The following NRCAM variants were observed in gnomAD, a reference collection of about 807,000 sequenced individuals.
The protein encoded by NRCAM is NgCAM-related cell adhesion molecule.
In NRCAM, 83 loss-of-function variants were observed where a neutral mutation model predicts 156.5. The ratio of observed to expected loss-of-function variants is 0.53; its 90% CI spans 0.44 to 0.64. The LOEUF is 0.64. Among genes scored for constraint, NRCAM ranks in the 30% least tolerant of loss-of-function variants. NRCAM has a pLI of 0.00. For synonymous variants in NRCAM, 538 were observed against 563.9 expected (o/e 0.95, Z 0.65); for missense variants, 1,417 against 1,597.3 (o/e 0.89, Z 1.92).
intron 3 of NRCAM, among the ~76,000 whole-genome samples, chr7:108,311,673 T>C (rs576067201): frequency 3.9e-5 from 6 of 152,326 alleles, no homozygotes; most frequent in African/African-American, 1.2e-4. Flanking sequence ...GAACTAGTCA[T>C]ATGAAGTCAG....
At chr7:108,421,161 G>A (rs1014346062) in intron 1 of NRCAM, among the ~76,000 whole-genome samples, 3 of 152,142 alleles carry the variant, frequency 2.0e-5, no homozygotes, top group Non-Finnish European at 2.9e-5. Flanking sequence ...AAGACTATAA[G>A]TGTAGATGTA....
At chr7:108,359,491 T>C (rs2154314315) in intron 2 of NRCAM, among the ~76,000 whole-genome samples, 1 of 152,114 alleles carries the variant, frequency 6.6e-6, no homozygotes, top group South Asian at 2.1e-4. Context: ...CATTCCTAAC[T>C]AAAGAAAAGT....
intron 2 of NRCAM, among the ~76,000 whole-genome samples, chr7:108,333,934 G>C (rs1305700153): frequency 6.6e-6 from 1 of 152,116 alleles, no homozygotes; most frequent in African/African-American, 2.4e-5. Context: ...GTTCTTGTTT[G>C]AATGTGTGTG....
At chr7:108,390,705 C>CATTT (rs1164450050) in intron 2 of NRCAM, among the ~76,000 whole-genome samples, 1 of 152,164 alleles carries the variant, frequency 6.6e-6, no homozygotes, top group Non-Finnish European at 1.5e-5. Flanking sequence ...CCCTTGTGGG[C>CATTT]ATTTAGTGCT....
intron 2 of NRCAM, among the ~76,000 whole-genome samples, chr7:108,364,728 CA>C (rs34574826): frequency 2.0e-3 from 267 of 132,196 alleles, no homozygotes; most frequent in Admixed American, 2.0e-3. Flanking sequence ...TACGCTAAGT[CA>C]AAAAAAAAAA....
intron 19 of NRCAM, among the ~76,000 whole-genome samples, chr7:108,190,234 G>A (rs943502530): frequency 1.3e-5 from 2 of 152,176 alleles, no homozygotes; most frequent in African/African-American, 2.4e-5. Context: ...TTATATTTGC[G>A]AAAGAATGCT....
At chr7:108,436,211 CA>C (rs1444812944) in intron 1 of NRCAM, among the ~76,000 whole-genome samples, 1 of 146,956 alleles carries the variant, frequency 6.8e-6, no homozygotes, top group African/African-American at 2.5e-5. Context: ...CCTTCAATTG[CA>C]AAATGGATGG....
At chr7:108,204,518 G>A (rs184838760) in intron 13 of NRCAM, among the ~76,000 whole-genome samples, 137 of 152,324 alleles carry the variant, frequency 9.0e-4, no homozygotes, top group Non-Finnish European at 4.3e-4. Flanking sequence ...ACCAGATGTC[G>A]AGAAAGACCC....
intron 2 of NRCAM, among the ~76,000 whole-genome samples, chr7:108,388,920 C>A (rs985741548): frequency 6.6e-6 from 1 of 152,068 alleles, no homozygotes; most frequent in Non-Finnish European, 1.5e-5. Context: ...TTGTCTATAT[C>A]TCTGTTTTGG....
At position 108,190,468 on chromosome 7, in the gene NRCAM, A is replaced by G. The variant is rs73725376; in HGVS notation, c.1934-722T>C. On this transcript the variant is annotated intron_variant, in intron 19 of 32. Coordinates refer to ENST00000379028, the MANE Select transcript of NRCAM (RefSeq NM_001037132.4). ...CTCTTAGGGGACCAGAGACCATACA[A>G]ATATATGTGCTTTTTTTTCTTATCA... is the stretch of plus-strand genomic sequence containing the variant. 6.3e-3 allele frequency among the ~76,000 whole-genome samples: 967 copies of G among 152,284 alleles called. 17 individuals are homozygous for G. The highest frequency in any genetic ancestry group is 0.022 in the African/African-American group (914 of 41,550).
chr7:108,432,756 G>A (rs1203041704), intron 1 of NRCAM, among the ~76,000 whole-genome samples: 2 of 152,086 alleles, frequency 1.3e-5, no homozygotes, highest in East Asian at 3.9e-4. Context: ...ATAAAAATCA[G>A]CCAAGTGTGG....
intron 8 of NRCAM, among the ~76,000 whole-genome samples, chr7:108,228,937 CA>C (rs2093914544): frequency 1.3e-5 from 2 of 151,330 alleles, no homozygotes; most frequent in South Asian, 4.2e-4. Context: ...TAAGGAGAGC[CA>C]AAATGCATCC....
chr7:108,307,042 C>A (rs2098725811), intron 3 of NRCAM, among the ~76,000 whole-genome samples: 2 of 152,176 alleles, frequency 1.3e-5, no homozygotes, highest in African/African-American at 4.8e-5. Flanking sequence ...CTATGAACAT[C>A]ATAGTTTATA....
chr7:108,293,478 A>C (rs542415881), intron 3 of NRCAM, among the ~76,000 whole-genome samples: 1 of 152,364 alleles, frequency 6.6e-6, no homozygotes, highest in African/African-American at 2.4e-5. Context: ...AAATCTGCTA[A>C]ATTGACAAGC....
At position 108,271,853 on chromosome 7, in the gene NRCAM, C is replaced by G. The variant is rs190887141; in HGVS notation, c.-106-31683G>C. Among the ~76,000 whole-genome samples, 120 of 152,292 alleles carry G rather than the reference C, an allele frequency of 7.9e-4. 3 individuals carry two copies. In the South Asian group the frequency reaches 0.024, roughly 30 times the overall value. On this transcript the variant is annotated intron_variant, in intron 3 of 32. Transcript: ENST00000379028. ...ACAACTCACACTCTTCCTGGCATAA[C>G]ATATGCTGAAAACTGTTGGGCTGGG...
At chr7:108,189,017 G>A (rs1011149360) in intron 20 of NRCAM, among the ~76,000 whole-genome samples, 6 of 148,198 alleles carry the variant, frequency 4.0e-5, no homozygotes, top group Non-Finnish European at 8.9e-5. Flanking sequence ...CTTACCTATA[G>A]TCTAATTTTA....
chr7:108,195,618 A>C, intron 15 of NRCAM, 143 bp downstream of exon 15: 1 of 575,448 alleles, frequency 1.7e-6, no homozygotes, highest in Non-Finnish European at 3.1e-6. Context: ...TCTGTCTCAC[A>C]AGAAAAAAAA....
intron 2 of NRCAM, among the ~76,000 whole-genome samples, chr7:108,316,712 C>T (rs1024993503): frequency 6.6e-6 from 1 of 151,758 alleles, no homozygotes; most frequent in African/African-American, 2.4e-5. Flanking sequence ...TGGTGTGAAC[C>T]CAGGAGGCAG....
intron 3 of NRCAM, among the ~76,000 whole-genome samples, chr7:108,262,093 T>C (rs2096908452): frequency 6.6e-6 from 1 of 152,116 alleles, no homozygotes; most frequent in Non-Finnish European, 1.5e-5. Flanking sequence ...AACAAGCTAC[T>C]TATGCACAAG....
Sources: allele counts gnomAD v4.1 joint callset (sites outside exome capture counted in the v4.1 genomes callset), GRCh38; gene constraint gnomAD v4.1.1; transcripts MANE v1.5; gene names NCBI Gene and HGNC (gene_info 2026-07-23, HGNC 2026-07-21).